The following RASSF2 variants were observed in gnomAD, a reference collection of about 807,000 sequenced individuals.
The protein encoded by RASSF2 is Ras association domain family member 2.
Under a neutral mutation model 46.3 loss-of-function variants are expected in RASSF2, and 34 were observed. That is an observed-to-expected ratio of 0.73 (90% CI 0.56 to 0.98). The LOEUF (loss-of-function observed/expected upper bound fraction) is 0.98, where lower values mean the gene tolerates loss of function less well. RASSF2 is among the 50% of genes least tolerant of loss of function. The probability of loss-of-function intolerance (pLI) is 0.00; values close to 1 mark genes in which losing one functional copy is unlikely to be tolerated. For synonymous variants in RASSF2, 158 were observed against 162.5 expected (o/e 0.97, Z 0.21); for missense variants, 364 against 431.2 (o/e 0.84, Z 1.38).
intron 8 of RASSF2, among the ~76,000 whole-genome samples, chr20:4,789,023 G>C (rs972122136): frequency 6.6e-6 from 1 of 152,152 alleles, no homozygotes; most frequent in Non-Finnish European, 1.5e-5. Flanking sequence ...TTCTTAGGTT[G>C]TTAGGCTACA....
intron 4 of RASSF2, among the ~76,000 whole-genome samples, chr20:4,796,999 CAACT>C (rs1468414192): frequency 1.3e-5 from 2 of 152,118 alleles, no homozygotes; most frequent in South Asian, 2.1e-4. Context: ...GCCCATTGAG[CAACT>C]AACTAACTTG....
rs6052883 is a variant in RASSF2 at position 4,795,652 on chromosome 20, T to C, written c.287+163A>G. The C allele has an allele frequency of 0.39, 299,366 of 770,170 alleles. 60,059 individuals are homozygous for C. Among genetic ancestry groups the C allele is most frequent in the Admixed American group, 0.47 (15,909 of 33,750 alleles). 47.7% of individuals were successfully genotyped at this position (770,170 alleles called of 1,614,324 possible). A position where few individuals can be genotyped will look rare whatever the true frequency, so the allele number is the denominator to read the frequency against. The stretch of plus-strand genomic sequence containing the variant: ...GGGGCTCAATCACAACCACATCTGC[T>C]GCTTGTTCCTCATTCCAAGGCTAAG... On this transcript the variant is annotated intron_variant, in intron 5 of 11. Transcript: ENST00000379400. This position sits in a 1 kb window ranked among gnomAD's most constrained non-coding sequence, Gnocchi z 4.0.
At chr20:4,822,099 T>C (rs753409) in intron 2 of RASSF2, among the ~76,000 whole-genome samples, 29,767 of 152,226 alleles carry the variant, frequency 0.2, 3,085 homozygotes, top group South Asian at 0.28. Context: ...GGTAAGTAAA[T>C]GTGGATTTAT....
chr20:4,816,684 C>T (rs117198531), intron 2 of RASSF2, among the ~76,000 whole-genome samples: 1 of 152,210 alleles, frequency 6.6e-6, no homozygotes, highest in East Asian at 1.9e-4. Context: ...AGATGAAGAT[C>T]GAAATCTCGC....
rs553123161 is a variant in RASSF2, at chr20:4,820,032, C to T, written c.-33+2297G>A. On this transcript the variant is annotated intron_variant, in intron 2 of 11. Transcript: ENST00000379400. ...CCATCCCAGAAGTGATAAAAAATGA[C>T]CCACTGGCTGCATAGCCCAAGTCAG... 3.3e-5 allele frequency among the ~76,000 whole-genome samples: 5 copies of T among 152,310 alleles called. 1 individual carries two copies. Among genetic ancestry groups the T allele is most frequent in the African/African-American group, 1.2e-4 (5 of 41,560 alleles).
At chr20:4,788,170 T>C in intron 9 of RASSF2, 47 bp downstream of exon 9, 1 of 1,474,482 alleles carries the variant, frequency 6.8e-7, no homozygotes, top group Non-Finnish European at 9.4e-7. Context: ...ACTTGCTATT[T>C]TGAGTTAATT....
chr20:4,785,835 G>A (rs1431163835), intron 11 of RASSF2, among the ~76,000 whole-genome samples: 2 of 152,084 alleles, frequency 1.3e-5, no homozygotes, highest in East Asian at 1.9e-4. Context: ...TCAAACACCC[G>A]TCAAAGACCC....
chr20:4,786,647 T>C (rs1378721801), intron 10 of RASSF2, among the ~76,000 whole-genome samples: 4 of 152,214 alleles, frequency 2.6e-5, no homozygotes, highest in African/African-American at 4.8e-5. Context: ...GAACCCATTA[T>C]GTTTAATAAA....
chr20:4,787,496 CGA>C, intron 10 of RASSF2, 135 bp downstream of exon 10: 2 of 1,070,110 alleles, frequency 1.9e-6, no homozygotes, highest in Non-Finnish European at 2.7e-6. Flanking sequence ...AAGCTGGCTT[CGA>C]GAGAACCTGG....
At chr20:4,822,510 G>A in intron 1 of RASSF2, 107 bp from the exon 2 acceptor site, 1 of 152,332 alleles carries the variant, frequency 6.6e-6, no homozygotes, top group South Asian at 2.1e-4. Context: ...GGCGCCCGAG[G>A]TGAAACAGAA....
intron 2 of RASSF2, among the ~76,000 whole-genome samples, chr20:4,821,720 T>A (rs1225550357): frequency 1.3e-5 from 2 of 152,144 alleles, no homozygotes; most frequent in Non-Finnish European, 2.9e-5. Flanking sequence ...GGCTGCACGC[T>A]ATGCCTCCAT....
At position 4,790,582 on chromosome 20, in the gene RASSF2, C is replaced by T; in HGVS notation, c.406G>A (p.Asp136Asn). ...DSRGLKPLQE[D>N]TPQLMRTRSD... is the part of the protein sequence containing the mutation. ...CGTGTGCGCATCAGCTGTGGGGTGTCCTCCTGCAGGGGCTTCAGGCCCCTG... is the reference window on the plus strand; with the variant it reads ...CGTGTGCGCATCAGCTGTGGGGTGTTCTCCTGCAGGGGCTTCAGGCCCCTG... The change falls in exon 7 of 12, where the codon GAC becomes AAC. Residue 136 changes from aspartate (D) to asparagine (N), a missense_variant. Physicochemically the swap from Asp to Asn is conservative, Grantham distance 23. Coordinates refer to ENST00000379400, the MANE Select transcript of RASSF2 (RefSeq NM_014737.3). The surrounding 1 kb of genome is among the most constrained non-coding windows in gnomAD (Gnocchi z 4.3). 1 of 1,531,598 alleles carries T rather than the reference C, an allele frequency of 6.5e-7. No individual in the cohort carries two copies. The highest frequency in any genetic ancestry group is 1.3e-5 in the South Asian group (1 of 78,078). The allele number at this position is 1,531,598 out of a possible 1,614,324, so 94.9% of individuals were successfully genotyped here. A position where few individuals can be genotyped will look rare whatever the true frequency, so the allele number is the denominator to read the frequency against.
intron 2 of RASSF2, among the ~76,000 whole-genome samples, chr20:4,808,268 G>A (rs1342253204): frequency 1.3e-5 from 2 of 152,074 alleles, no homozygotes; most frequent in East Asian, 3.9e-4. Context: ...ATGCCTTTAA[G>A]AACCATTTAC....
rs1035612425 is a variant in RASSF2, at chr20:4,790,998, G to A, written c.377-387C>T. ...ATAGTGCCTGGCACAGGATAAGCAT[G>A]ATATAAGAGCTAACAAGATACTGCA... On this transcript the variant is annotated intron_variant, in intron 6 of 11. Transcript: ENST00000379400. The surrounding 1 kb of genome is among the most constrained non-coding windows in gnomAD (Gnocchi z 4.3). 6.6e-6 allele frequency among the ~76,000 whole-genome samples: 1 copy of A among 152,146 alleles called. No individual in the cohort carries two copies. Among genetic ancestry groups the A allele is most frequent in the Non-Finnish European group, 1.5e-5 (1 of 68,036 alleles).
chr20:4,795,834 A>T lies in RASSF2; in HGVS notation c.268T>A (p.Cys90Ser), dbSNP rs1926295684. ...ACTCACCCCTGAGCCCCCAGGTTACAGCCAGAGTGCCAGGAGGAGGAGGAT... is the reference window on the plus strand; with the variant it reads ...ACTCACCCCTGAGCCCCCAGGTTACTGCCAGAGTGCCAGGAGGAGGAGGAT... Reference protein sequence around the residue: ...PPSSSSWHSGCNLGAQGTTLK... With the variant: ...PPSSSSWHSGSNLGAQGTTLK... Residue 90 changes from cysteine (C) to serine (S), a missense_variant, in exon 5 of 12, where the codon TGT becomes AGT. Cys to Ser is a moderately radical substitution (Grantham distance 112). Transcript: ENST00000379400. This position sits in a 1 kb window ranked among gnomAD's most constrained non-coding sequence, Gnocchi z 4.0. 3 of 1,610,520 alleles carry T rather than the reference A, an allele frequency of 1.9e-6. No individual in the cohort carries two copies. The African/African-American group carries it at 4.0e-5, about 22-fold the overall frequency.
At chr20:4,807,857 A>G (rs922865247) in intron 2 of RASSF2, among the ~76,000 whole-genome samples, 24 of 152,188 alleles carry the variant, frequency 1.6e-4, no homozygotes, top group African/African-American at 5.8e-4. Context: ...CTAGGACCCA[A>G]TCCCTCTTTT....
At chr20:4,786,025 C>G (rs765643456) in intron 11 of RASSF2, among the ~76,000 whole-genome samples, 1 of 152,172 alleles carries the variant, frequency 6.6e-6, no homozygotes, top group African/African-American at 2.4e-5. Context: ...CACATCAAAA[C>G]GAGAAGCTGA....
rs762429333 is a variant in RASSF2, at chr20:4,789,713, C to T, written c.538-16G>A. 1.9e-6 allele frequency: 3 copies of T among 1,609,244 alleles called. No individual in the cohort carries two copies. The highest frequency in any genetic ancestry group is 1.3e-5 in the African/African-American group (1 of 74,752). ...ACACGGATGTCTGTCAATAGAAGGG[C>T]CCAGCTCAGGGTGGGAGTGGGAACA... On this transcript the variant is annotated splice_polypyrimidine_tract_variant and intron_variant, in intron 7 of 11. Transcript: ENST00000379400.
At position 4,787,635 on chromosome 20, in the gene RASSF2, C is replaced by T. The variant is rs189107203; in HGVS notation, c.811G>A (p.Asp271Asn). ...EKDQVEEVTY[D>N]VAQYIKFEMP... is the part of the protein sequence containing the mutation. The stretch of plus-strand genomic sequence containing the variant: ...CGCCTGACCCAAAGGGAACTCACGT[C>T]GTAGGTGACTTCCTCCACCTGGTCC... The change falls in exon 10 of 12, where the codon GAC (aspartate) becomes AAC (asparagine). Residue 271 changes from aspartate (D) to asparagine (N), a missense_variant and splice_region_variant. Coordinates refer to ENST00000379400, the MANE Select transcript of RASSF2 (RefSeq NM_014737.3). The T allele has an allele frequency of 1.7e-5, 27 of 1,614,164 alleles. No homozygotes were observed. Among genetic ancestry groups the T allele is most frequent in the African/African-American group, 2.7e-5 (2 of 75,030 alleles).
Sources: gnomAD v4.1 joint callset for allele counts (sites outside exome capture counted in the v4.1 genomes callset) on GRCh38, gnomAD v4.1.1 for gene constraint, Gnocchi (gnomAD v3.1) non-coding constraint, MANE v1.5 for transcripts, NCBI Gene and HGNC (gene_info 2026-07-23, HGNC 2026-07-21) for gene names.